Variants in CYP11A1 observed in about 807,000 individuals in gnomAD.
CYP11A1 encodes the protein cholesterol side-chain cleavage enzyme, mitochondrial.
In CYP11A1, 25 loss-of-function variants were observed where a neutral mutation model predicts 51.9. The observed-to-expected ratio is 0.48, with a 90% CI of 0.35 to 0.67. The LOEUF (loss-of-function observed/expected upper bound fraction) is 0.67, where lower values mean the gene tolerates loss of function less well. Among genes scored for constraint, CYP11A1 ranks in the 30% least tolerant of loss-of-function variants. CYP11A1 has a pLI of 0.00. For missense variants in CYP11A1, 578 were observed against 680.9 expected, an observed-to-expected ratio of 0.85 and a Z score of 1.68; for synonymous variants, 245 against 262.1, an observed-to-expected ratio of 0.93 and a Z score of 0.63.
intron 5 of CYP11A1, among the ~76,000 whole-genome samples, chr15:74,342,290 G>A (rs1462844430): frequency 1.3e-5 from 2 of 152,138 alleles, no homozygotes; most frequent in Admixed American, 1.3e-4. Context: ...CACTATGTTG[G>A]CCAGGCTGGT....
chr15:74,342,392 A>T (rs902283248), intron 5 of CYP11A1, among the ~76,000 whole-genome samples: 1 of 152,136 alleles, frequency 6.6e-6, no homozygotes, highest in Non-Finnish European at 1.5e-5. Context: ...AGGACTGATT[A>T]TTCTTAATAT....
chr15:74,351,196 A>G (rs914116857), intron 1 of CYP11A1, among the ~76,000 whole-genome samples: 4 of 151,738 alleles, frequency 2.6e-5, no homozygotes, highest in African/African-American at 9.7e-5. Context: ...GTCTCTTTCT[A>G]TTTCAGTCTT....
chr15:74,351,497 T>G (rs1288064558), intron 1 of CYP11A1, among the ~76,000 whole-genome samples: 1 of 152,186 alleles, frequency 6.6e-6, no homozygotes, highest in Non-Finnish European at 1.5e-5. Flanking sequence ...CACATTACAG[T>G]TCATGGCTAC....
At position 74,337,998 on chromosome 15, in the gene CYP11A1, AG is replaced by A. The variant is rs2060586674; in HGVS notation, c.1539del (p.Phe514LeufsTer50). The A allele has an allele frequency of 1.2e-6, 2 of 1,614,146 alleles. No individual in the cohort carries two copies. The highest frequency in any genetic ancestry group is 1.7e-6 in the Non-Finnish European group (2 of 1,180,026). The part of the protein sequence containing the change: ...PEKPISFTFW[P>X]FNQEATQQ ...CACTGCTGGGTTGCTTCCTGGTTAA[AG>A]GGCCAGAAGGTGAAGGAGATGGGCT... On this transcript the variant is annotated frameshift_variant, in exon 9 of 9. Coordinates refer to ENST00000268053, the MANE Select transcript of CYP11A1 (RefSeq NM_000781.3). LOFTEE classifies it low-confidence loss of function (END_TRUNC).
At chr15:74,364,747 GA>G (rs2060724248) in intron 1 of CYP11A1, 1 of 152,388 alleles carries the variant, frequency 6.6e-6, no homozygotes, top group Admixed American at 6.5e-5. Flanking sequence ...GGTGAAAAGG[GA>G]AGAGAGGAGG....
chr15:74,343,250 C>A, intron 4 of CYP11A1, 113 bp from the exon 5 acceptor site: 9 of 1,068,448 alleles, frequency 8.4e-6, no homozygotes, highest in Non-Finnish European at 1.3e-5. Context: ...GAGCCCTGTG[C>A]TTCTTAGGCT....
chr15:74,356,857 A>G (rs1156368109), intron 1 of CYP11A1, among the ~76,000 whole-genome samples: 3 of 152,118 alleles, frequency 2.0e-5, no homozygotes, highest in African/African-American at 4.8e-5. Flanking sequence ...TTGGTGACTG[A>G]TCATGCACCC....
In CYP11A1 at chr15:74,338,056, G is replaced by A. The variant is rs1567050511; in HGVS notation, c.1482C>T (p.Gly494=). ...GCATCAGAATGAGGTTGAATGTGGT[G>A]CCCACATCGCTGAGGTGTTGGATTT... is the stretch of plus-strand genomic sequence containing the variant. The part of the protein sequence containing the change: ...RVEIQHLSDV[G]TTFNLILMPE... The change falls in exon 9 of 9, where the codon GGC becomes GGT. Residue 494 remains glycine (G), a synonymous_variant. Transcript: ENST00000268053. 6.2e-7 allele frequency: 1 copy of A among 1,614,114 alleles called. No individual in the cohort carries two copies. The highest frequency in any genetic ancestry group is 8.5e-7 in the Non-Finnish European group (1 of 1,179,952).
intron 1 of CYP11A1, among the ~76,000 whole-genome samples, chr15:74,355,735 C>T (rs1389459701): frequency 1.3e-5 from 2 of 152,222 alleles, no homozygotes; most frequent in African/African-American, 4.8e-5. Flanking sequence ...AAAAAGGTGG[C>T]TGGAGCTAAA....
rs528252771 is a variant in CYP11A1 at position 74,367,131 on chromosome 15, A to AATGTTGAAT, written c.269+177_269+185dup. 4.0e-4 allele frequency: 259 copies of AATGTTGAAT among 650,534 alleles called. 5 individuals are homozygous for AATGTTGAAT. The East Asian group carries it at 5.7e-3, about 14-fold the overall frequency. The allele number at this position is 650,534 out of a possible 1,614,324, so 40.3% of individuals were successfully genotyped here. A position where few individuals can be genotyped will look rare whatever the true frequency, so the allele number is the denominator to read the frequency against. On this transcript the variant is annotated intron_variant, in intron 1 of 8. Transcript: ENST00000268053. Reference sequence around the variant, plus strand: ...AGTACTTAAGACATTCACAGATTCAAATGTTGAATTTTGAAATATCCCTGA... The same window carrying AATGTTGAAT: ...AGTACTTAAGACATTCACAGATTCAAATGTTGAATATGTTGAATTTTGAAATATCCCTGA...
In CYP11A1 at chr15:74,343,871, G is replaced by A. The variant is rs761569417; in HGVS notation, c.747C>T (p.Asn249=). ...QMFHTSVPML[N]LPPDLFRLFR... is the part of the protein sequence containing the mutation. ...ACAGACGGAACAGGTCTGGGGGAAG[G>A]TTGAGCATGGGGACGCTGGTGTGGA... Residue 249 remains asparagine, a synonymous_variant, in exon 4 of 9, where the codon AAC becomes AAT. Transcript: ENST00000268053. The A allele has an allele frequency of 3.1e-6, 5 of 1,613,866 alleles. No homozygotes were observed. In the South Asian group the frequency reaches 3.3e-5, roughly 11 times the overall value.
At chr15:74,352,264 CTTTTTTTTTTTT>C (rs34304260) in intron 1 of CYP11A1, among the ~76,000 whole-genome samples, 2 of 86,052 alleles carry the variant, frequency 2.3e-5, no homozygotes, top group African/African-American at 8.6e-5. Context: ...TCTTTGCTAT[CTTTTTTTTTTTT>C]TTTTTTTTTT....
intron 8 of CYP11A1, 58 bp from the exon 9 acceptor site, chr15:74,338,161 CA>C: frequency 6.2e-7 from 1 of 1,605,386 alleles, no homozygotes; most frequent in South Asian, 1.1e-5. Context: ...TCTCCCTAGC[CA>C]GGCCAATTCA....
intron 2 of CYP11A1, among the ~76,000 whole-genome samples, 196 bp downstream of exon 2, chr15:74,347,703 CA>C (rs2141237201): frequency 6.6e-6 from 1 of 152,312 alleles, no homozygotes; most frequent in African/African-American, 2.4e-5. Context: ...TGAAGGCTGG[CA>C]GAGCAATTCA....
At chr15:74,338,194 G>T (rs961487961) in intron 8 of CYP11A1, 91 bp from the exon 9 acceptor site, 7 of 1,505,120 alleles carry the variant, frequency 4.7e-6, no homozygotes, top group Admixed American at 1.7e-5. Context: ...TGCCTGTGGA[G>T]TGTGATTTGA....
chr15:74,338,661 G>A lies in CYP11A1; in HGVS notation c.1344C>T (p.Thr448=). ...AGCCAAAGCCCAAGTTCCGGAAGTA[G>A]GTGATGTTCTTGTCTTTGCTCAGCC... ...TRWLSKDKNI[T]YFRNLGFGWG... The change falls in exon 8 of 9, where the codon ACC becomes ACT. Residue 448 remains threonine (T), a synonymous_variant. Transcript: ENST00000268053. 6.2e-7 allele frequency: 1 copy of A among 1,614,196 alleles called. No homozygotes were observed. Among genetic ancestry groups the A allele is most frequent in the South Asian group, 1.1e-5 (1 of 91,082 alleles).
chr15:74,361,040 T>G (rs1233514319), intron 1 of CYP11A1, among the ~76,000 whole-genome samples: 1 of 152,228 alleles, frequency 6.6e-6, no homozygotes, highest in Non-Finnish European at 1.5e-5. Context: ...TTTTGCTTCT[T>G]TAAAATTTCT....
At position 74,348,037 on chromosome 15, in the gene CYP11A1, C is replaced by T. The variant is rs531523602; in HGVS notation, c.288G>A (p.Val96=). Residue 96 remains valine (V), a synonymous_variant, in exon 2 of 9, where the codon GTG becomes GTA. Transcript: ENST00000268053. ...CAGGGTCGATGACATAAACCGACTCCACGTTGCCGAGCTTCTCCCTGGAGG... is the reference window on the plus strand; with the variant it reads ...CAGGGTCGATGACATAAACCGACTCTACGTTGCCGAGCTTCTCCCTGGAGG... The part of the protein sequence containing the change: ...GPIYREKLGN[V]ESVYVIDPED... 7.4e-6 allele frequency: 12 copies of T among 1,614,180 alleles called. No homozygotes were observed. In the East Asian group the frequency reaches 1.6e-4, roughly 21 times the overall value.
At chr15:74,366,041 G>A (rs2060731350) in intron 1 of CYP11A1, 1 of 985,788 alleles carries the variant, frequency 1.0e-6, no homozygotes, top group East Asian at 1.1e-4. Flanking sequence ...AGGTAAACGC[G>A]GGTCGACCCG....
Sources: allele counts gnomAD v4.1 joint callset (sites outside exome capture counted in the v4.1 genomes callset), GRCh38; gene constraint gnomAD v4.1.1; transcripts MANE v1.5; gene names NCBI Gene and HGNC (gene_info 2026-07-23, HGNC 2026-07-21).